The following TOX variants were observed in gnomAD, a reference collection of about 807,000 sequenced individuals.
TOX encodes thymocyte selection associated high mobility group box.
Under a neutral mutation model 53.7 loss-of-function variants are expected in TOX, and 11 were observed. The ratio of observed to expected loss-of-function variants is 0.20; its 90% CI spans 0.13 to 0.34. TOX has a LOEUF of 0.34. TOX is among the 10% of genes least tolerant of loss of function. The pLI is 1.00. For synonymous variants in TOX, 225 were observed against 245.3 expected, an observed-to-expected ratio of 0.92 and a Z score of 0.77; for missense variants, 570 against 664.6, an observed-to-expected ratio of 0.86 and a Z score of 1.56.
At chr8:58,990,720 A>G (rs1025345443) in intron 1 of TOX, among the ~76,000 whole-genome samples, 17 of 152,284 alleles carry the variant, frequency 1.1e-4, no homozygotes, top group African/African-American at 4.1e-4. Context: ...TGTGCAACCC[A>G]TTGTCAGGAA....
intron 1 of TOX, among the ~76,000 whole-genome samples, chr8:59,092,271 A>ATACAT (rs1804624892): frequency 3.2e-5 from 4 of 125,104 alleles, no homozygotes; most frequent in African/African-American, 1.5e-4. Flanking sequence ...TATTTTATAT[A>ATACAT]TATATATATA....
intron 3 of TOX, among the ~76,000 whole-genome samples, chr8:58,895,146 C>T (rs947540129): frequency 6.6e-6 from 1 of 152,092 alleles, no homozygotes; most frequent in African/African-American, 2.4e-5. Context: ...GGAGATTGCA[C>T]CACTGCACTC....
At chr8:58,983,811 G>C (rs990672057) in intron 1 of TOX, among the ~76,000 whole-genome samples, 3 of 152,162 alleles carry the variant, frequency 2.0e-5, no homozygotes, top group Non-Finnish European at 2.9e-5. Context: ...AGTGCATCAA[G>C]ATCAGATGCA....
At chr8:58,809,189 G>A (rs542202289) in intron 7 of TOX, among the ~76,000 whole-genome samples, 2 of 152,308 alleles carry the variant, frequency 1.3e-5, no homozygotes, top group East Asian at 3.9e-4. Flanking sequence ...TTAATCTCAT[G>A]GTTGTCTCCA....
intron 5 of TOX, among the ~76,000 whole-genome samples, chr8:58,834,626 T>C (rs1444080925): frequency 6.6e-6 from 1 of 152,226 alleles, no homozygotes; most frequent in Non-Finnish European, 1.5e-5. Context: ...TGCCCAAATG[T>C]GCATTTCAGG....
intron 4 of TOX, among the ~76,000 whole-genome samples, chr8:58,841,347 C>T (rs1357937113): frequency 6.6e-6 from 1 of 152,134 alleles, no homozygotes; most frequent in Non-Finnish European, 1.5e-5. Context: ...TGCCCACTAG[C>T]ACGTATCATG....
intron 1 of TOX, among the ~76,000 whole-genome samples, chr8:59,085,400 T>TC (rs1804489729): frequency 1.3e-5 from 2 of 152,158 alleles, no homozygotes; most frequent in African/African-American, 4.8e-5. Flanking sequence ...TTTTATTTTT[T>TC]CTTTTTAAGA....
At chr8:59,053,807 G>T (rs758976696) in intron 1 of TOX, among the ~76,000 whole-genome samples, 28 of 152,290 alleles carry the variant, frequency 1.8e-4, no homozygotes, top group Non-Finnish European at 3.4e-4. Context: ...ATTGTCTAAT[G>T]TTTTAATGTC....
At chr8:58,875,514 CT>C (rs747036611) in intron 3 of TOX, among the ~76,000 whole-genome samples, 66 of 152,130 alleles carry the variant, frequency 4.3e-4, no homozygotes, top group Non-Finnish European at 6.6e-4. Flanking sequence ...ACATCCTAGA[CT>C]CAGAAAAGTG....
chr8:59,089,750 G>A (rs916285881), intron 1 of TOX, among the ~76,000 whole-genome samples: 23 of 152,272 alleles, frequency 1.5e-4, no homozygotes, highest in African/African-American at 2.6e-4. Context: ...CTCCATGCCC[G>A]GCTAATTTTT....
Position 58,939,559 on chromosome 8 carries a change from A to C in TOX, c.169-15T>G. On this transcript the variant is annotated splice_polypyrimidine_tract_variant and intron_variant, in intron 2 of 8. Transcript: ENST00000361421. The stretch of plus-strand genomic sequence containing the variant: ...CCAGGGTAGGACTGTGAAAAGACAA[A>C]AGTGACATTGTTGCAAATTATCATC... 6.3e-7 allele frequency: 1 copy of C among 1,594,348 alleles called. No individual in the cohort carries two copies. Among genetic ancestry groups the C allele is most frequent in the Middle Eastern group, 1.7e-4 (1 of 5,948 alleles).
chr8:59,088,447 A>G (rs191945839), intron 1 of TOX, among the ~76,000 whole-genome samples: 5 of 152,370 alleles, frequency 3.3e-5, no homozygotes, highest in Admixed American at 1.3e-4. Context: ...TTTTCTGGAT[A>G]ACTTAGGCCA....
At chr8:59,021,637 A>C (rs13272611) in intron 1 of TOX, among the ~76,000 whole-genome samples, 7,476 of 151,810 alleles carry the variant, frequency 0.049, 303 homozygotes, top group East Asian at 0.24. Flanking sequence ...TATCCAAAAT[A>C]CAAAAATAGA....
chr8:58,984,871 G>A (rs2129416976), intron 1 of TOX, among the ~76,000 whole-genome samples: 1 of 151,376 alleles, frequency 6.6e-6, no homozygotes, highest in African/African-American at 2.4e-5. Context: ...TTATTGGTGG[G>A]CATGTAAGAT....
At chr8:58,998,154 T>C (rs1213645487) in intron 1 of TOX, among the ~76,000 whole-genome samples, 1 of 152,030 alleles carries the variant, frequency 6.6e-6, no homozygotes, top group Non-Finnish European at 1.5e-5. Context: ...GGTGAGTATA[T>C]GCATATTTAA....
chr8:59,048,716 T>C (rs1393515833), intron 1 of TOX, among the ~76,000 whole-genome samples: 2 of 152,204 alleles, frequency 1.3e-5, no homozygotes, highest in Non-Finnish European at 2.9e-5. Flanking sequence ...AGGAGATTTG[T>C]ATATTTATGA....
At chr8:58,952,470 T>G (rs1477867150) in intron 2 of TOX, among the ~76,000 whole-genome samples, 1 of 152,212 alleles carries the variant, frequency 6.6e-6, no homozygotes, top group African/African-American at 2.4e-5. Flanking sequence ...TAATAATTGT[T>G]CACATGCTAA....
At chr8:58,978,175 A>C (rs1228591790) in intron 1 of TOX, among the ~76,000 whole-genome samples, 2 of 152,178 alleles carry the variant, frequency 1.3e-5, no homozygotes, top group African/African-American at 4.8e-5. Flanking sequence ...CTCAGGAAAG[A>C]GTGGAAAGCC....
chr8:58,910,730 C>G (rs1811894597), intron 3 of TOX, among the ~76,000 whole-genome samples: 1 of 152,300 alleles, frequency 6.6e-6, no homozygotes, highest in South Asian at 2.1e-4. Flanking sequence ...TAAACTCTCT[C>G]CAAGGCACAA....
Sources: allele counts gnomAD v4.1 joint callset (sites outside exome capture counted in the v4.1 genomes callset), GRCh38; gene constraint gnomAD v4.1.1; transcripts MANE v1.5; gene names NCBI Gene and HGNC (gene_info 2026-07-23, HGNC 2026-07-21).